Variants in SDHAF3 observed in about 807,000 individuals in gnomAD.
SDHAF3 encodes succinate dehydrogenase assembly factor 3, mitochondrial.
In SDHAF3, 18 loss-of-function variants were observed where a neutral mutation model predicts 11.5. That is an observed-to-expected ratio of 1.56 (90% CI 1.08 to 2.32). The LOEUF (loss-of-function observed/expected upper bound fraction) is 2.32, where lower values mean the gene tolerates loss of function less well. Ranked by LOEUF, SDHAF3 falls within the 30% of genes most tolerant of loss-of-function variation. The pLI, the probability that SDHAF3 is intolerant of heterozygous loss-of-function variation, is 0.00. For synonymous variants in SDHAF3, 72 were observed against 59.3 expected (o/e 1.21, Z -0.99); for missense variants, 200 against 154.4 (o/e 1.30, Z -1.57).
chr7:97,139,042 C>T (rs565569832), intron 1 of SDHAF3, among the ~76,000 whole-genome samples: 1 of 152,358 alleles, frequency 6.6e-6, no homozygotes, highest in African/African-American at 2.4e-5. Flanking sequence ...CTGCTCCCAG[C>T]AGTGCCTCGA....
At chr7:97,165,357 C>CTTTTTTT (rs10653828) in intron 1 of SDHAF3, among the ~76,000 whole-genome samples, 18 of 77,012 alleles carry the variant, frequency 2.3e-4, no homozygotes, top group Non-Finnish European at 3.3e-4. Flanking sequence ...ATTTTCCTAC[C>CTTTTTTT]TTTTTTTTTT....
intron 1 of SDHAF3, among the ~76,000 whole-genome samples, chr7:97,131,492 T>C (rs945880342): frequency 6.6e-6 from 1 of 152,242 alleles, no homozygotes; most frequent in African/African-American, 2.4e-5. Flanking sequence ...ATCAGGCACA[T>C]ATTTGTTTTG....
At chr7:97,132,524 A>G (rs1791686133) in intron 1 of SDHAF3, among the ~76,000 whole-genome samples, 1 of 152,180 alleles carries the variant, frequency 6.6e-6, no homozygotes, top group Non-Finnish European at 1.5e-5. Flanking sequence ...AGCAATGTGA[A>G]TAATCTTATG....
chr7:97,171,246 T>C (rs959412308), intron 1 of SDHAF3, among the ~76,000 whole-genome samples: 10 of 152,216 alleles, frequency 6.6e-5, no homozygotes, highest in South Asian at 6.2e-4. Context: ...GAGAATCTTA[T>C]AATAATTGAA....
chr7:97,132,202 A>T (rs1421568981), intron 1 of SDHAF3, among the ~76,000 whole-genome samples: 1 of 152,204 alleles, frequency 6.6e-6, no homozygotes, highest in Non-Finnish European at 1.5e-5. Flanking sequence ...GTCAGCTACT[A>T]GCGCCTTATA....
intron 1 of SDHAF3, among the ~76,000 whole-genome samples, chr7:97,122,559 A>G (rs556923084): frequency 1.3e-5 from 2 of 151,686 alleles, no homozygotes; most frequent in Non-Finnish European, 2.9e-5. Flanking sequence ...TGACTAATAC[A>G]GTATTAGTGA....
intron 1 of SDHAF3, among the ~76,000 whole-genome samples, chr7:97,131,052 G>A (rs969542810): frequency 2.6e-5 from 4 of 152,182 alleles, no homozygotes; most frequent in Non-Finnish European, 4.4e-5. Context: ...CTAGGAATTT[G>A]TCTGTCTCCT....
intron 1 of SDHAF3, among the ~76,000 whole-genome samples, chr7:97,129,107 A>C (rs1791626481): frequency 6.6e-6 from 1 of 152,116 alleles, no homozygotes; most frequent in Non-Finnish European, 1.5e-5. Flanking sequence ...TTTTTGTTTT[A>C]TTTTGGTCTC....
chr7:97,181,376 G>C lies in SDHAF3; in HGVS notation c.*161G>C, dbSNP rs16869283. 2,851 of 523,834 alleles carry C rather than the reference G, an allele frequency of 5.4e-3. 73 individuals carry two copies. The highest frequency in any genetic ancestry group is 0.05 in the African/African-American group (2,557 of 51,416). The allele number at this position is 523,834 out of a possible 1,614,324, so 32.4% of individuals were successfully genotyped here. A position where few individuals can be genotyped will look rare whatever the true frequency, so the allele number is the denominator to read the frequency against. ...TGCAGTATATGGATCAAGATCACTA[G>C]TGACAATTGAAAAAAACTATTGGAA... On this transcript the variant is annotated 3_prime_UTR_variant, in exon 2 of 2. Transcript: ENST00000432641.
intron 1 of SDHAF3, among the ~76,000 whole-genome samples, chr7:97,133,444 C>T (rs1240994389): frequency 6.6e-6 from 1 of 152,076 alleles, no homozygotes; most frequent in Non-Finnish European, 1.5e-5. Flanking sequence ...TTTCATCAGA[C>T]CTCACTGTGT....
intron 1 of SDHAF3, among the ~76,000 whole-genome samples, chr7:97,118,915 A>G (rs762871892): frequency 1.1e-4 from 17 of 152,184 alleles, no homozygotes; most frequent in Non-Finnish European, 2.4e-4. Flanking sequence ...ACTTTCTTGA[A>G]AATCATGGTG....
intron 1 of SDHAF3, among the ~76,000 whole-genome samples, chr7:97,127,112 G>A (rs953827419): frequency 2.6e-5 from 4 of 152,116 alleles, no homozygotes; most frequent in Non-Finnish European, 4.4e-5. Flanking sequence ...GCTTCTGCTC[G>A]CCCTCCATGG....
intron 1 of SDHAF3, among the ~76,000 whole-genome samples, chr7:97,125,888 T>TG (rs1791566009): frequency 6.6e-6 from 1 of 152,246 alleles, no homozygotes; most frequent in Non-Finnish European, 1.5e-5. Context: ...GGAGAGGAGT[T>TG]GCAATCATTT....
intron 1 of SDHAF3, among the ~76,000 whole-genome samples, chr7:97,139,875 T>G (rs920569010): frequency 2.6e-5 from 4 of 152,244 alleles, no homozygotes; most frequent in Non-Finnish European, 5.9e-5. Flanking sequence ...ATTCTCTCCA[T>G]TCCAATTGTC....
chr7:97,160,147 C>T (rs1381332366), intron 1 of SDHAF3, among the ~76,000 whole-genome samples: 6 of 148,628 alleles, frequency 4.0e-5, no homozygotes, highest in East Asian at 4.1e-4. Context: ...CCGGCCGCCC[C>T]GTCTGGGAGG....
intron 1 of SDHAF3, among the ~76,000 whole-genome samples, chr7:97,160,470 TGTG>T (rs775573098): frequency 6.2e-4 from 92 of 149,588 alleles, no homozygotes; most frequent in Admixed American, 3.3e-3. Flanking sequence ...AAGGGGGAAA[TGTG>T]GGGAAAAGAA....
Position 97,122,932 on chromosome 7 carries a change from A to G in SDHAF3, c.174+5035A>G, listed in dbSNP as rs536227434. 1.4e-3 allele frequency among the ~76,000 whole-genome samples: 213 copies of G among 149,220 alleles called. 1 individual carries two copies. Among genetic ancestry groups the G allele is most frequent in the South Asian group, 2.5e-3 (12 of 4,738 alleles). ...TTTTTCTTTTCTTTTTTTTTTTTCC[A>G]TCTGTATGTAGTTGTTCCTAGCTAC... On this transcript the variant is annotated intron_variant, in intron 1 of 1. Transcript: ENST00000432641.
chr7:97,179,263 GT>G (rs1275382993), intron 1 of SDHAF3, among the ~76,000 whole-genome samples: 1 of 152,188 alleles, frequency 6.6e-6, no homozygotes, highest in African/African-American at 2.4e-5. Context: ...GAAATTGGGA[GT>G]TGTGAGTCCT....
intron 1 of SDHAF3, among the ~76,000 whole-genome samples, chr7:97,143,098 G>T (rs547005271): frequency 1.3e-5 from 2 of 151,390 alleles, no homozygotes; most frequent in African/African-American, 4.9e-5. Flanking sequence ...GTTTCACCAT[G>T]TTGGCCAGGC....
Sources: gnomAD v4.1 joint callset for allele counts (sites outside exome capture counted in the v4.1 genomes callset) on GRCh38, gnomAD v4.1.1 for gene constraint, MANE v1.5 for transcripts, NCBI Gene and HGNC (gene_info 2026-07-23, HGNC 2026-07-21) for gene names.